AP3M1: variants seen among roughly 807,000 people sequenced by gnomAD.
AP3M1 encodes AP-3 complex subunit mu-1.
AP3M1 carries 29 observed loss-of-function variants against 42.6 expected under a neutral mutation model. The observed-to-expected ratio is 0.68, with a 90% CI of 0.51 to 0.93. The LOEUF (loss-of-function observed/expected upper bound fraction) is 0.93, where lower values mean the gene tolerates loss of function less well. AP3M1 is among the 40% of genes least tolerant of loss of function. The pLI is 0.00. For missense variants in AP3M1, 416 were observed against 510.2 expected (o/e 0.82, Z 1.78); for synonymous variants, 178 against 175.3 (o/e 1.02, Z -0.12).
At chr10:74,130,545 A>G (rs1564546265) in intron 4 of AP3M1, among the ~76,000 whole-genome samples, 1 of 151,756 alleles carries the variant, frequency 6.6e-6, no homozygotes, top group African/African-American at 2.4e-5. Flanking sequence ...GGCTCAAGCA[A>G]TCCTCCCACC....
chr10:74,120,895 CAG>C lies in AP3M1; in HGVS notation c.*2913_*2914del, dbSNP rs962769957. The stretch of plus-strand genomic sequence containing the variant: ...TCAGGGATCCACCAGGGCTATAAAA[CAG>C]AGTTAGCTTTTGGGGACATAGTCCT... On this transcript the variant is annotated 3_prime_UTR_variant, in exon 9 of 9. Coordinates refer to ENST00000355264, the MANE Select transcript of AP3M1 (RefSeq NM_012095.6). The C allele has an allele frequency of 2.0e-5, 3 of 152,158 alleles. No homozygotes were observed. Among genetic ancestry groups the C allele is most frequent in the African/African-American group, 4.8e-5 (2 of 41,420 alleles). 9.4% of individuals were successfully genotyped at this position (152,158 alleles called of 1,614,324 possible). A position where few individuals can be genotyped will look rare whatever the true frequency, so the allele number is the denominator to read the frequency against.
At chr10:74,124,666 G>C in intron 7 of AP3M1, 142 bp from the exon 8 acceptor site, 1 of 641,458 alleles carries the variant, frequency 1.6e-6, no homozygotes, top group Non-Finnish European at 2.6e-6. Flanking sequence ...TCTACAGTGA[G>C]TTTACCTCTG....
In AP3M1 at chr10:74,120,932, T is replaced by TAAAG. The variant is rs955810255; in HGVS notation, c.*2874_*2877dup. The TAAAG allele has an allele frequency of 9.2e-5, 14 of 152,300 alleles. No homozygotes were observed. The highest frequency in any genetic ancestry group is 3.4e-4 in the African/African-American group (14 of 41,558). 9.4% of individuals were successfully genotyped at this position (152,300 alleles called of 1,614,324 possible). On this transcript the variant is annotated 3_prime_UTR_variant, in exon 9 of 9. Coordinates refer to ENST00000355264, the MANE Select transcript of AP3M1 (RefSeq NM_012095.6). ...TTGGGGACATAGTCCTCTTCTTCCT[T>TAAAG]AAAGAAACACTGACTAAAATAGTAG...
In AP3M1 at chr10:74,137,955, T is replaced by C. The variant is rs531828533; in HGVS notation, c.273+152A>G. 7.9e-6 allele frequency: 6 copies of C among 761,746 alleles called. No homozygotes were observed. The East Asian group carries it at 1.7e-4, about 21-fold the overall frequency. The allele number at this position is 761,746 out of a possible 1,614,324, so 47.2% of individuals were successfully genotyped here. ...AATAGAGCAGCCATGTGTGTAACTG[T>C]ATACCACACAGAAAAGGGCTTATGA... On this transcript the variant is annotated intron_variant, in intron 2 of 8. Transcript: ENST00000355264.
intron 1 of AP3M1, among the ~76,000 whole-genome samples, chr10:74,149,277 T>G (rs1157090341): frequency 1.7e-4 from 4 of 22,958 alleles, no homozygotes; most frequent in East Asian, 5.1e-4. Flanking sequence ...GTTTTTTTTT[T>G]TTTTTTTTTT....
At position 74,126,183 on chromosome 10, in the gene AP3M1, T is replaced by C. The variant is rs745717175; in HGVS notation, c.976A>G (p.Thr326Ala). ...KVVLNMNLTPTQGSYTFDPVT... is the reference protein window; with the variant it reads ...KVVLNMNLTPAQGSYTFDPVT... The stretch of plus-strand genomic sequence containing the variant: ...GGATCAAATGTATAGCTGCCTTGTG[T>C]GGGTGTCAGGTTCATGTTCAGCACA... The change falls in exon 7 of 9, where the codon ACA (threonine) becomes GCA (alanine). Residue 326 changes from threonine (T) to alanine (A), a missense_variant. Transcript: ENST00000355264. 1 of 1,614,248 alleles carries C rather than the reference T, an allele frequency of 6.2e-7. No individual in the cohort carries two copies. The highest frequency in any genetic ancestry group is 8.5e-7 in the Non-Finnish European group (1 of 1,180,046).
rs763323604 is a variant in AP3M1, at chr10:74,130,038, G to C, written c.584-46C>G. 2.6e-5 allele frequency: 30 copies of C among 1,147,478 alleles called. No individual in the cohort carries two copies. The African/African-American group carries it at 3.6e-4, about 14-fold the overall frequency. The allele number at this position is 1,147,478 out of a possible 1,614,324, so 71.1% of individuals were successfully genotyped here. A position where few individuals can be genotyped will look rare whatever the true frequency, so the allele number is the denominator to read the frequency against. ...GGAAGATAACATCAATGGAATATGA[G>C]TCTTCACTAGACCTATCACTGTATC... On this transcript the variant is annotated intron_variant, in intron 4 of 8. Transcript: ENST00000355264.
In AP3M1 at chr10:74,126,458, C is replaced by T. The variant is rs1017946486; in HGVS notation, c.804-103G>A. On this transcript the variant is annotated intron_variant, in intron 6 of 8. Transcript: ENST00000355264. The stretch of plus-strand genomic sequence containing the variant: ...AAACCTCTGTCCAGAGTATCCTACC[C>T]TGCCTTTAACTCCACAATAAGGTAC... 41 of 798,422 alleles carry T rather than the reference C, an allele frequency of 5.1e-5. No homozygotes were observed. The African/African-American group carries it at 6.7e-4, about 13-fold the overall frequency. 49.5% of individuals were successfully genotyped at this position (798,422 alleles called of 1,614,324 possible). A position where few individuals can be genotyped will look rare whatever the true frequency, so the allele number is the denominator to read the frequency against.
chr10:74,137,745 G>C (rs1160277976), intron 2 of AP3M1, among the ~76,000 whole-genome samples: 1 of 152,160 alleles, frequency 6.6e-6, no homozygotes, highest in Non-Finnish European at 1.5e-5. Context: ...ATCTAACACA[G>C]TGTAAATGCT....
At chr10:74,126,090 C>T (rs1009665083) in intron 7 of AP3M1, 58 bp downstream of exon 7, 12 of 1,582,780 alleles carry the variant, frequency 7.6e-6, no homozygotes, top group African/African-American at 4.0e-5. Context: ...TTCCTCCCCA[C>T]AAATCACAAA....
chr10:74,131,358 G>A (rs1427770109), intron 4 of AP3M1, among the ~76,000 whole-genome samples: 1 of 151,672 alleles, frequency 6.6e-6, no homozygotes, highest in Non-Finnish European at 1.5e-5. Flanking sequence ...TAGTAGAGAT[G>A]GGGTTTCACT....
At chr10:74,147,870 G>C (rs1247437317) in intron 1 of AP3M1, among the ~76,000 whole-genome samples, 1 of 152,012 alleles carries the variant, frequency 6.6e-6, no homozygotes, top group African/African-American at 2.4e-5. Context: ...ATGGTGGTAG[G>C]CGCCTGTAAT....
intron 6 of AP3M1, among the ~76,000 whole-genome samples, chr10:74,126,564 T>C (rs1439224453): frequency 2.6e-5 from 4 of 152,120 alleles, no homozygotes; most frequent in Non-Finnish European, 5.9e-5. Context: ...TTTCACAAAA[T>C]TGGCCAGGCG....
chr10:74,127,056 A>G (rs941099034), intron 6 of AP3M1, among the ~76,000 whole-genome samples: 1 of 151,680 alleles, frequency 6.6e-6, no homozygotes, highest in Non-Finnish European at 1.5e-5. Context: ...TGGTATAACA[A>G]TTATTTACAC....
chr10:74,138,143 T>C lies in AP3M1; in HGVS notation c.237A>G (p.Val79=), dbSNP rs1434258874. The change falls in exon 2 of 9, where the codon GTA becomes GTG. Residue 79 remains valine, a synonymous_variant. Transcript: ENST00000355264. ...CAGCAACTCGATGTAGGAACTCAAT[T>C]ACAAAGAGAGGTGGCACTTCGGTCT... The part of the protein sequence containing the change: ...VIQTEVPPLF[V]IEFLHRVADT... 1 of 1,614,030 alleles carries C rather than the reference T, an allele frequency of 6.2e-7. No homozygotes were observed. The highest frequency in any genetic ancestry group is 8.5e-7 in the Non-Finnish European group (1 of 1,179,980).
At chr10:74,141,405 G>A (rs534692855) in intron 1 of AP3M1, among the ~76,000 whole-genome samples, 1 of 152,248 alleles carries the variant, frequency 6.6e-6, no homozygotes, top group South Asian at 2.1e-4. Context: ...TAGCCTGGGT[G>A]ACAGAGGGAG....
chr10:74,134,697 A>C (rs769254688), intron 3 of AP3M1, among the ~76,000 whole-genome samples: 2 of 152,208 alleles, frequency 1.3e-5, no homozygotes, highest in African/African-American at 2.4e-5. Context: ...TTTCCTGGTA[A>C]ACTGACACAT....
Position 74,128,123 on chromosome 10 carries a change from AAGGAAAAG to A in AP3M1, c.803+977_803+984del, listed in dbSNP as rs1367281166. ...CTTAAAAAAAAAAAAAAAAAAAAAA[AAGGAAAAG>A]AAAAGAGCCGAGAAATAATTTCTCT... On this transcript the variant is annotated intron_variant, in intron 6 of 8. Transcript: ENST00000355264. Among the ~76,000 whole-genome samples the A allele has an allele frequency of 7.7e-4, 109 of 141,966 alleles. 1 individual carries two copies. Among genetic ancestry groups the A allele is most frequent in the African/African-American group, 2.7e-3 (101 of 36,938 alleles). The allele number at this position is 141,966 out of a possible 152,430, so 93.1% of individuals were successfully genotyped here.
intron 7 of AP3M1, among the ~76,000 whole-genome samples, chr10:74,125,370 C>T (rs148489061): frequency 2.6e-5 from 4 of 152,300 alleles, no homozygotes; most frequent in South Asian, 2.1e-4. Context: ...ATGAAATCTT[C>T]GGTGTGAAGG....
Sources: gnomAD v4.1 joint callset for allele counts (sites outside exome capture counted in the v4.1 genomes callset) on GRCh38, gnomAD v4.1.1 for gene constraint, MANE v1.5 for transcripts, NCBI Gene and HGNC (gene_info 2026-07-23, HGNC 2026-07-21) for gene names.